Variants in ATP9A observed in about 807,000 individuals in gnomAD.
The protein encoded by ATP9A is ATPase phospholipid transporting 9A.
Under a neutral mutation model 144.1 loss-of-function variants are expected in ATP9A, and 52 were observed. The observed-to-expected ratio is 0.36, with a 90% CI of 0.29 to 0.45. The LOEUF (loss-of-function observed/expected upper bound fraction) is 0.45. ATP9A is among the 20% of genes least tolerant of loss of function. The pLI is 1.00. For missense variants in ATP9A, 947 were observed against 1,392.7 expected, an observed-to-expected ratio of 0.68 and a Z score of 5.09; for synonymous variants, 582 against 557.4, an observed-to-expected ratio of 1.04 and a Z score of -0.62.
chr20:51,650,069 T>C (rs935254745), intron 14 of ATP9A, among the ~76,000 whole-genome samples: 1 of 152,280 alleles, frequency 6.6e-6, no homozygotes, highest in African/African-American at 2.4e-5. Context: ...CATGCATTTA[T>C]GCCACTGGGA....
chr20:51,719,138 AAGAG>A (rs1350486917), intron 3 of ATP9A, among the ~76,000 whole-genome samples: 1 of 151,454 alleles, frequency 6.6e-6, no homozygotes, highest in East Asian at 2.0e-4. Context: ...AAAAAAAAAA[AAGAG>A]AGAGAGATGT....
chr20:51,627,751 G>C (rs2077255406), intron 16 of ATP9A, 68 bp from the exon 17 acceptor site: 1 of 1,302,032 alleles, frequency 7.7e-7, no homozygotes, highest in East Asian at 2.3e-5. Context: ...GGAAGGACCA[G>C]TGCCCAAGTG....
At chr20:51,605,897 A>G (rs1367264620) in intron 26 of ATP9A, among the ~76,000 whole-genome samples, 2 of 151,744 alleles carry the variant, frequency 1.3e-5, no homozygotes, top group Admixed American at 6.6e-5. Context: ...TGGGTGATAC[A>G]GCAAGACTCT....
chr20:51,664,403 TG>T, intron 13 of ATP9A, among the ~76,000 whole-genome samples: 2 of 151,700 alleles, frequency 1.3e-5, no homozygotes, highest in South Asian at 4.2e-4. Flanking sequence ...CCTGGGCAAA[TG>T]GTAACACCCC....
chr20:51,690,849 A>G, intron 7 of ATP9A, 30 bp from the exon 8 acceptor site: 1 of 1,592,160 alleles, frequency 6.3e-7, no homozygotes, highest in Non-Finnish European at 8.6e-7. Flanking sequence ...TTCGGGAGTC[A>G]AAGTCAGTTC....
intron 1 of ATP9A, among the ~76,000 whole-genome samples, chr20:51,763,986 C>T (rs1216656030): frequency 6.6e-6 from 1 of 152,082 alleles, no homozygotes; most frequent in Non-Finnish European, 1.5e-5. Context: ...TCATAAAAGG[C>T]CCCTCCTCTC....
intron 15 of ATP9A, among the ~76,000 whole-genome samples, chr20:51,631,688 A>T (rs2122735974): frequency 6.6e-6 from 1 of 152,316 alleles, no homozygotes; most frequent in South Asian, 2.1e-4. Flanking sequence ...CGTGGTCTGC[A>T]TCTGGCACCT....
At chr20:51,605,070 T>C (rs2077158090) in intron 26 of ATP9A, 50 bp from the exon 27 acceptor site, 3 of 1,474,396 alleles carry the variant, frequency 2.0e-6, no homozygotes, top group Admixed American at 2.2e-5. Flanking sequence ...GCGAAAGCCG[T>C]GCGCTGCTCG....
intron 4 of ATP9A, among the ~76,000 whole-genome samples, chr20:51,706,257 T>C (rs1434450403): frequency 6.6e-6 from 1 of 152,238 alleles, no homozygotes; most frequent in African/African-American, 2.4e-5. Context: ...AGTAGGTAAC[T>C]TGACTTAAAG....
chr20:51,762,449 C>G (rs531898556), intron 1 of ATP9A, among the ~76,000 whole-genome samples: 1 of 150,594 alleles, frequency 6.6e-6, no homozygotes, highest in East Asian at 2.0e-4. Flanking sequence ...GAGCCAAGAT[C>G]ACACCACTGC....
intron 19 of ATP9A, among the ~76,000 whole-genome samples, chr20:51,621,783 G>C (rs534035213): frequency 2.6e-5 from 4 of 152,212 alleles, no homozygotes; most frequent in East Asian, 3.9e-4. Flanking sequence ...CTTTCGGGGG[G>C]AGTGCCTGAC....
Position 51,619,000 on chromosome 20 carries a change from C to A in ATP9A, c.2159G>T (p.Arg720Leu), listed in dbSNP as rs749995941. 2.5e-6 allele frequency: 4 copies of A among 1,613,996 alleles called. No homozygotes were observed. The highest frequency in any genetic ancestry group is 3.4e-6 in the Non-Finnish European group (4 of 1,180,026). ...GEAHLELNAF[R>L]RKHDCALVIS... ...GACCAGGGCACAATCATGCTTCCTG[C>A]GGAAGGCGTTCAGCTCGAGGTGAGC... Residue 720 changes from arginine to leucine, a missense_variant, in exon 20 of 28, where the codon CGC (arginine) becomes CTC (leucine). By Grantham distance (102) the Arg-to-Leu change is moderately radical. This residue lies in a region of ATP9A where 770 missense variants were observed against 1,047.9 expected (regional missense o/e 0.73). Transcript: ENST00000338821.
intron 17 of ATP9A, among the ~76,000 whole-genome samples, chr20:51,627,253 C>T (rs1404363752): frequency 6.6e-6 from 1 of 151,950 alleles, no homozygotes; most frequent in Non-Finnish European, 1.5e-5. Context: ...TTTTTGGCCC[C>T]AAATGGTAGC....
intron 1 of ATP9A, among the ~76,000 whole-genome samples, chr20:51,760,419 G>A (rs73137665): frequency 0.19 from 29,429 of 151,982 alleles, 3,328 homozygotes; most frequent in East Asian, 0.31. Flanking sequence ...TGCTCACAAC[G>A]ACTGAAATAA....
In ATP9A at chr20:51,635,126, G is replaced by T. The variant is rs1212705228; in HGVS notation, c.1668+4217C>A. 2.0e-5 allele frequency among the ~76,000 whole-genome samples: 3 copies of T among 152,192 alleles called. No individual in the cohort carries two copies. In the East Asian group the frequency reaches 5.8e-4, roughly 29 times the overall value. On this transcript the variant is annotated intron_variant, in intron 15 of 27. Coordinates refer to ENST00000338821, the MANE Select transcript of ATP9A (RefSeq NM_006045.3). ...CTCTGACAGTGGGTGACAGAAGACT[G>T]TGACTGCCATCTCATTCACTCTCAC... is the stretch of plus-strand genomic sequence containing the variant.
At chr20:51,695,992 C>T in intron 6 of ATP9A, 101 bp downstream of exon 6, 1 of 1,140,284 alleles carries the variant, frequency 8.8e-7, no homozygotes, top group Non-Finnish European at 1.3e-6. Flanking sequence ...CTCCATGGCT[C>T]CAAAATGATA....
intron 13 of ATP9A, among the ~76,000 whole-genome samples, chr20:51,657,731 G>A (rs2235857): frequency 0.48 from 72,943 of 152,014 alleles, 18,370 homozygotes; most frequent in East Asian, 0.79. Context: ...ATCTGGTACC[G>A]TATGCAAGTA....
intron 11 of ATP9A, among the ~76,000 whole-genome samples, chr20:51,673,156 T>C (rs1024239168): frequency 6.6e-6 from 1 of 152,084 alleles, no homozygotes; most frequent in African/African-American, 2.4e-5. Flanking sequence ...GGTGGATCAC[T>C]TGAGGTCAGG....
At chr20:51,699,034 G>A (rs1046404607) in intron 4 of ATP9A, among the ~76,000 whole-genome samples, 3 of 152,142 alleles carry the variant, frequency 2.0e-5, no homozygotes, top group Non-Finnish European at 4.4e-5. Context: ...GTTCAGCTAA[G>A]AGAGAGATAA....
Sources: allele counts gnomAD v4.1 joint callset (sites outside exome capture counted in the v4.1 genomes callset), GRCh38; gene constraint gnomAD v4.1.1; regional missense constraint gnomAD v4.1.1; transcripts MANE v1.5; gene names NCBI Gene and HGNC (gene_info 2026-07-23, HGNC 2026-07-21).